HERC3: variants seen among roughly 807,000 people sequenced by gnomAD.
HERC3 encodes the protein probable E3 ubiquitin-protein ligase HERC3.
In HERC3, 58 loss-of-function variants were observed where a neutral mutation model predicts 129.9. The observed-to-expected ratio is 0.45, with a 90% CI of 0.36 to 0.56. HERC3 has a LOEUF of 0.56. Ranked by LOEUF, HERC3 falls within the 20% of genes least tolerant of loss-of-function variation. The pLI, the probability that HERC3 is intolerant of heterozygous loss-of-function variation, is 0.00. For synonymous variants in HERC3, 430 were observed against 451.0 expected (o/e 0.95, Z 0.59); for missense variants, 835 against 1,244.2 (o/e 0.67, Z 4.95).
At position 88,686,784 on chromosome 4, in the gene HERC3, T is replaced by C. The variant is rs771762589; in HGVS notation, c.2556T>C (p.Thr852=). 6 of 1,611,030 alleles carry C rather than the reference T, an allele frequency of 3.7e-6. No homozygotes were observed. Among genetic ancestry groups the C allele is most frequent in the Non-Finnish European group, 5.1e-6 (6 of 1,177,418 alleles). ...LDYPGEDVEE[T]FCLNFTICRE... is the part of the protein sequence containing the mutation. ...ACCCCGGGGAGGATGTGGAGGAGAC[T>C]TTCTGCCTCAACTTCACGGTAAGAA... Residue 852 remains threonine (T), a synonymous_variant, in exon 22 of 26, where the codon ACT becomes ACC. Coordinates refer to ENST00000402738, the MANE Select transcript of HERC3 (RefSeq NM_014606.3).
In HERC3 at chr4:88,654,033, T is replaced by C; in HGVS notation, c.686-9T>C. The C allele has an allele frequency of 6.3e-7, 1 of 1,592,028 alleles. No homozygotes were observed. Among genetic ancestry groups the C allele is most frequent in the Non-Finnish European group, 8.6e-7 (1 of 1,160,518 alleles). Reference sequence around the variant, plus strand: ...TGGTAGTGATATTCTGATATTTAATTTATTCTAGATCGAGAATCTCCATGC... The same window carrying C: ...TGGTAGTGATATTCTGATATTTAATCTATTCTAGATCGAGAATCTCCATGC... On this transcript the variant is annotated splice_polypyrimidine_tract_variant and intron_variant, in intron 6 of 25. Coordinates refer to ENST00000402738, the MANE Select transcript of HERC3 (RefSeq NM_014606.3).
intron 3 of HERC3, among the ~76,000 whole-genome samples, chr4:88,618,513 A>G (rs2149217391): frequency 6.6e-6 from 1 of 152,284 alleles, no homozygotes; most frequent in African/African-American, 2.4e-5. Context: ...ATAGAGTGGA[A>G]CTCATCTTTG....
chr4:88,697,300 TC>T, intron 23 of HERC3: 1 of 1,607,616 alleles, frequency 6.2e-7, no homozygotes, highest in Non-Finnish European at 8.5e-7. Flanking sequence ...CTCCTCGTCT[TC>T]CCCCTCCTCC....
At chr4:88,544,510 G>A in the HERC3 span, among the ~76,000 whole-genome samples, 1 of 152,222 alleles carries the variant, frequency 6.6e-6, no homozygotes, top group African/African-American at 2.4e-5. Context: ...AGGCAGCATG[G>A]AGATTCCTCA....
At chr4:88,692,491 A>C (rs573895674) in intron 23 of HERC3, among the ~76,000 whole-genome samples, 17 of 152,116 alleles carry the variant, frequency 1.1e-4, no homozygotes, top group African/African-American at 3.6e-4. Context: ...CATGACAAAC[A>C]CTTCTTGCTC....
At chr4:88,693,145 C>CTGT (rs755786465) in intron 23 of HERC3, 246 of 985,092 alleles carry the variant, frequency 2.5e-4, no homozygotes, top group Non-Finnish European at 2.9e-4. Context: ...TGTTTCTTCA[C>CTGT]TGTTGAATAT....
At chr4:88,539,149 G>T in the HERC3 span, among the ~76,000 whole-genome samples, 3 of 152,142 alleles carry the variant, frequency 2.0e-5, no homozygotes, top group Non-Finnish European at 4.4e-5. Flanking sequence ...AGGTGTCAGG[G>T]GATTTCCCTT....
intron 3 of HERC3, among the ~76,000 whole-genome samples, chr4:88,607,297 C>T (rs1723768300): frequency 6.6e-6 from 1 of 151,996 alleles, no homozygotes; most frequent in African/African-American, 2.4e-5. Flanking sequence ...AATACTTGTT[C>T]AAGGCATGTT....
chr4:88,572,816 A>T, the HERC3 span, among the ~76,000 whole-genome samples: 6,074 of 149,842 alleles, frequency 0.041, 215 homozygotes, highest in African/African-American at 0.097. Flanking sequence ...AAAAAAAAAA[A>T]AATAATAATA....
At chr4:88,608,465 A>G (rs138384650) in intron 3 of HERC3, among the ~76,000 whole-genome samples, 45 of 152,320 alleles carry the variant, frequency 3.0e-4, no homozygotes, top group Middle Eastern at 3.4e-3. Context: ...AGTGCACTCA[A>G]TACTATAGGT....
chr4:88,639,932 C>T (rs1242939163), intron 3 of HERC3, among the ~76,000 whole-genome samples: 1 of 151,854 alleles, frequency 6.6e-6, no homozygotes, highest in African/African-American at 2.4e-5. Context: ...TATGAACAGA[C>T]AATTCAGTAA....
At chr4:88,630,885 C>CT (rs1179432994) in intron 3 of HERC3, among the ~76,000 whole-genome samples, 1 of 152,158 alleles carries the variant, frequency 6.6e-6, no homozygotes, top group African/African-American at 2.4e-5. Context: ...CTGAAAATAA[C>CT]TGAGTCATTG....
At chr4:88,698,624 TTA>T (rs1428945790) in intron 23 of HERC3, among the ~76,000 whole-genome samples, 1 of 149,594 alleles carries the variant, frequency 6.7e-6, no homozygotes, top group Non-Finnish European at 1.5e-5. Flanking sequence ...CTTATCTTGG[TTA>T]AAGCATGTGC....
At chr4:88,650,122 C>T (rs541812548) in intron 4 of HERC3, 123 bp downstream of exon 4, 225 of 939,410 alleles carry the variant, frequency 2.4e-4, no homozygotes, top group South Asian at 1.9e-3. Flanking sequence ...ACTCCTGTGC[C>T]TTATACTATT....
the HERC3 span, among the ~76,000 whole-genome samples, chr4:88,562,754 G>T: frequency 6.6e-6 from 1 of 152,244 alleles, no homozygotes; most frequent in African/African-American, 2.4e-5. Flanking sequence ...TTTATGAAGG[G>T]ACTGTCCTTT....
At chr4:88,588,019 T>A (rs907750404), upstream of HERC3, among the ~76,000 whole-genome samples, 2 of 152,242 alleles carry the variant, frequency 1.3e-5, no homozygotes, top group African/African-American at 4.8e-5. Context: ...ATGCTCAACT[T>A]AAAGGTTTTC....
chr4:88,561,866 G>A, the HERC3 span, among the ~76,000 whole-genome samples: 2 of 151,946 alleles, frequency 1.3e-5, no homozygotes, highest in Admixed American at 6.6e-5. Flanking sequence ...TGGCTAAATA[G>A]TACTACATTT....
At chr4:88,697,541 T>G in intron 23 of HERC3, 1 of 1,614,126 alleles carries the variant, frequency 6.2e-7, no homozygotes, top group Non-Finnish European at 8.5e-7. Context: ...TTAGGCAGGC[T>G]CTCGATAAAG....
At chr4:88,702,228 A>T (rs941559283) in intron 23 of HERC3, among the ~76,000 whole-genome samples, 3 of 152,236 alleles carry the variant, frequency 2.0e-5, no homozygotes, top group African/African-American at 7.2e-5. Flanking sequence ...AATACTAGTT[A>T]ATACTTACAA....
Sources: allele counts gnomAD v4.1 joint callset (sites outside exome capture counted in the v4.1 genomes callset), GRCh38; gene constraint gnomAD v4.1.1; transcripts MANE v1.5; gene names NCBI Gene and HGNC (gene_info 2026-07-23, HGNC 2026-07-21).